Variants in RAD51B observed in about 807,000 individuals in gnomAD.
RAD51B encodes the protein DNA repair protein RAD51 homolog 2.
Under a neutral mutation model 42.2 loss-of-function variants are expected in RAD51B, and 38 were observed. The observed-to-expected ratio is 0.90, with a 90% CI of 0.70 to 1.18. RAD51B has a LOEUF of 1.18. Ranked by LOEUF, RAD51B falls within the 50% of genes most tolerant of loss-of-function variation. RAD51B has a pLI of 0.00. For synonymous variants in RAD51B, 154 were observed against 145.2 expected, an observed-to-expected ratio of 1.06 and a Z score of -0.43; for missense variants, 373 against 400.7, an observed-to-expected ratio of 0.93 and a Z score of 0.59.
chr14:67,913,471 C>T (rs1233688320), intron 7 of RAD51B, among the ~76,000 whole-genome samples: 1 of 152,070 alleles, frequency 6.6e-6, no homozygotes, highest in Non-Finnish European at 1.5e-5. Flanking sequence ...TTACTTTTTT[C>T]ATTGTGTTGA....
intron 10 of RAD51B, among the ~76,000 whole-genome samples, chr14:68,609,741 C>T (rs775638240): frequency 7.9e-5 from 12 of 152,144 alleles, no homozygotes; most frequent in Non-Finnish European, 1.3e-4. Flanking sequence ...TCACACACTT[C>T]TCACTGGGTC....
intron 8 of RAD51B, among the ~76,000 whole-genome samples, chr14:68,293,355 A>G (rs1330369531): frequency 6.6e-6 from 1 of 152,134 alleles, no homozygotes; most frequent in Non-Finnish European, 1.5e-5. Context: ...CCATGGTGAA[A>G]GTATTTATAC....
intron 10 of RAD51B, among the ~76,000 whole-genome samples, chr14:68,558,538 G>A (rs1888977696): frequency 6.6e-6 from 1 of 152,178 alleles, no homozygotes; most frequent in Non-Finnish European, 1.5e-5. Flanking sequence ...CTCAGCTTCT[G>A]GTGGTGGCCG....
At chr14:68,285,571 C>T (rs558603633) in intron 7 of RAD51B, among the ~76,000 whole-genome samples, 1 of 152,304 alleles carries the variant, frequency 6.6e-6, no homozygotes, top group South Asian at 2.1e-4. Flanking sequence ...TACTTGAGAG[C>T]TAGAAGTATC....
intron 7 of RAD51B, among the ~76,000 whole-genome samples, chr14:68,169,973 G>C (rs992480499): frequency 6.6e-6 from 1 of 152,152 alleles, no homozygotes; most frequent in Non-Finnish European, 1.5e-5. Flanking sequence ...TGGACTCTTA[G>C]CTGTGGTGGA....
intron 5 of RAD51B, among the ~76,000 whole-genome samples, chr14:67,877,869 T>A (rs1380422222): frequency 6.6e-6 from 1 of 152,178 alleles, no homozygotes; most frequent in African/African-American, 2.4e-5. Flanking sequence ...CTCACCATCT[T>A]GCCCAAACTG....
intron 10 of RAD51B, among the ~76,000 whole-genome samples, chr14:68,592,225 G>T (rs1595007200): frequency 6.6e-6 from 1 of 151,304 alleles, no homozygotes; most frequent in African/African-American, 2.5e-5. Flanking sequence ...ATAAATGTGA[G>T]CAGGGAGGTA....
intron 8 of RAD51B, among the ~76,000 whole-genome samples, chr14:68,302,513 C>T (rs1443885124): frequency 9.3e-5 from 7 of 75,202 alleles, no homozygotes; most frequent in African/African-American, 2.3e-4. Flanking sequence ...GCCGGATTGC[C>T]GAGACCAGCT....
chr14:68,591,674 A>T (rs1353403398), intron 10 of RAD51B, among the ~76,000 whole-genome samples: 2 of 152,030 alleles, frequency 1.3e-5, no homozygotes, highest in East Asian at 3.9e-4. Flanking sequence ...TTGTGAGTGA[A>T]AATGAAAGGG....
At chr14:67,889,149 T>C (rs1056832292) in intron 7 of RAD51B, among the ~76,000 whole-genome samples, 1 of 152,180 alleles carries the variant, frequency 6.6e-6, no homozygotes, top group African/African-American at 2.4e-5. Context: ...TAGAAATAAA[T>C]GCAGATTATA....
At chr14:68,324,645 T>G (rs907708849) in intron 8 of RAD51B, among the ~76,000 whole-genome samples, 1 of 152,260 alleles carries the variant, frequency 6.6e-6, no homozygotes, top group African/African-American at 2.4e-5. Context: ...TGTATATTAA[T>G]GTTGAATATA....
rs970300485 is a variant in RAD51B at position 68,237,000 on chromosome 14, C to T, written c.757-54884C>T. ...CCTATTTTTGAGGACACCTGTATGA[C>T]CCTTCATCAAACCAGCTGACACATT... is the stretch of plus-strand genomic sequence containing the variant. On this transcript the variant is annotated intron_variant, in intron 7 of 10. Transcript: ENST00000471583. 2.6e-5 allele frequency among the ~76,000 whole-genome samples: 4 copies of T among 152,216 alleles called. No individual in the cohort carries two copies. In the East Asian group the frequency reaches 7.7e-4, roughly 29 times the overall value.
chr14:67,860,042 G>A (rs2042116081), intron 4 of RAD51B, among the ~76,000 whole-genome samples: 1 of 152,078 alleles, frequency 6.6e-6, no homozygotes, highest in Admixed American at 6.6e-5. Flanking sequence ...GACTGGTCTC[G>A]AACTTCCGAC....
At chr14:67,863,376 A>G (rs539695225) in intron 4 of RAD51B, among the ~76,000 whole-genome samples, 1 of 152,244 alleles carries the variant, frequency 6.6e-6, no homozygotes, top group Admixed American at 6.5e-5. Context: ...TTACCTGGGA[A>G]CTTACTAGCG....
downstream of RAD51B, among the ~76,000 whole-genome samples, chr14:68,597,894 A>C (rs1891068555): frequency 6.6e-6 from 1 of 151,968 alleles, no homozygotes; most frequent in East Asian, 1.9e-4. Flanking sequence ...TGAGATATTT[A>C]CTTTTCAAAT....
At chr14:68,543,732 T>C (rs1324247379) in intron 10 of RAD51B, among the ~76,000 whole-genome samples, 1 of 152,208 alleles carries the variant, frequency 6.6e-6, no homozygotes, top group Non-Finnish European at 1.5e-5. Flanking sequence ...CAGCCACCGC[T>C]GGGGCCAACC....
chr14:68,663,308 CAAAGAGAG>C (rs1478763613), intron 11 of RAD51B, among the ~76,000 whole-genome samples: 2 of 55,788 alleles, frequency 3.6e-5, no homozygotes, highest in African/African-American at 5.7e-5. Context: ...ATCTCAAAAA[CAAAGAGAG>C]AGAGAGAGAG....
At chr14:67,843,681 T>C (rs2041510780) in intron 4 of RAD51B, among the ~76,000 whole-genome samples, 1 of 152,080 alleles carries the variant, frequency 6.6e-6, no homozygotes, top group Non-Finnish European at 1.5e-5. Context: ...TTTTTTGTAT[T>C]TCTGTGGGGT....
intron 10 of RAD51B, among the ~76,000 whole-genome samples, chr14:68,507,693 A>G (rs739874): frequency 0.18 from 27,712 of 152,214 alleles, 3,337 homozygotes; most frequent in Non-Finnish European, 0.27. Context: ...CTAATTAACC[A>G]TGGAATATTC....
Sources: gnomAD v4.1 joint callset for allele counts (sites outside exome capture counted in the v4.1 genomes callset) on GRCh38, gnomAD v4.1.1 for gene constraint, MANE v1.5 for transcripts, NCBI Gene and HGNC (gene_info 2026-07-23, HGNC 2026-07-21) for gene names.